The following DNAAF4 variants were observed in gnomAD, a reference collection of about 807,000 sequenced individuals.
The protein encoded by DNAAF4 is dynein assembly factor 4, axonemal.
DNAAF4 carries 43 observed loss-of-function variants against 51.8 expected under a neutral mutation model. The observed-to-expected ratio is 0.83, with a 90% CI of 0.65 to 1.07. The LOEUF is 1.07. Among genes scored for constraint, DNAAF4 ranks in the 50% least tolerant of loss-of-function variants. The pLI, the probability that DNAAF4 is intolerant of heterozygous loss-of-function variation, is 0.00. For synonymous variants in DNAAF4, 194 were observed against 165.6 expected (o/e 1.17, Z -1.32); for missense variants, 581 against 493.0 (o/e 1.18, Z -1.69).
chr15:55,431,620 G>A (rs549943858), intron 9 of DNAAF4, among the ~76,000 whole-genome samples: 114 of 151,078 alleles, frequency 7.5e-4, no homozygotes, highest in Non-Finnish European at 5.5e-4. Flanking sequence ...GACTACAGGC[G>A]CCCGCCACCA....
rs1482550589 is a variant in DNAAF4 at position 55,508,107 on chromosome 15, A to T, written c.-256+15T>A. 2 of 152,138 alleles carry T rather than the reference A, an allele frequency of 1.3e-5. No homozygotes were observed. The highest frequency in any genetic ancestry group is 2.9e-5 in the Non-Finnish European group (2 of 68,044). The allele number at this position is 152,138 out of a possible 1,614,324, so 9.4% of individuals were successfully genotyped here. A position where few individuals can be genotyped will look rare whatever the true frequency, so the allele number is the denominator to read the frequency against. ...GATTAAGGGATGAGTTTTACTGGGGAAAGGGGAAACTTACAAAACCAAGAG... is the reference window on the plus strand; with the variant it reads ...GATTAAGGGATGAGTTTTACTGGGGTAAGGGGAAACTTACAAAACCAAGAG... On this transcript the variant is annotated intron_variant, in intron 1 of 9. Transcript: ENST00000321149.
rs190078784 is a variant in DNAAF4 at position 55,466,918 on chromosome 15, T to A, written c.637+12A>T. ...CAGGACTCACTACTCAAGAAATTCT[T>A]AATCATTTTACCTTTTGGAGCAAGA... On this transcript the variant is annotated intron_variant, in intron 5 of 9. Transcript: ENST00000321149. 1 of 1,581,350 alleles carries A rather than the reference T, an allele frequency of 6.3e-7. No homozygotes were observed. The highest frequency in any genetic ancestry group is 2.3e-5 in the East Asian group (1 of 44,364).
intron 4 of DNAAF4, among the ~76,000 whole-genome samples, chr15:55,469,966 TG>T (rs1254830787): frequency 6.6e-6 from 1 of 152,134 alleles, no homozygotes; most frequent in Non-Finnish European, 1.5e-5. Context: ...AGCTATAAGT[TG>T]GGGGTTTCTA....
chr15:55,430,209 G>C (rs1206029675), downstream of DNAAF4: 1 of 212,610 alleles, frequency 4.7e-6, no homozygotes, highest in Non-Finnish European at 8.1e-6. Flanking sequence ...AAAAAAATAA[G>C]GTTCTGTGCA....
intron 4 of DNAAF4, among the ~76,000 whole-genome samples, chr15:55,486,519 T>G (rs1019094699): frequency 1.3e-5 from 2 of 152,120 alleles, no homozygotes; most frequent in African/African-American, 2.4e-5. Flanking sequence ...CCAAGCAAAG[T>G]AAAAATTCCT....
chr15:55,506,022 A>T (rs745924654), intron 1 of DNAAF4, among the ~76,000 whole-genome samples: 1 of 152,216 alleles, frequency 6.6e-6, no homozygotes, highest in Non-Finnish European at 1.5e-5. Context: ...AATGCTATGA[A>T]GTGGCCTTGT....
chr15:55,446,298 G>GCGGGGAGGC (rs535553086), intron 6 of DNAAF4, among the ~76,000 whole-genome samples: 1 of 94,330 alleles, frequency 1.1e-5, no homozygotes, highest in African/African-American at 5.2e-5. Context: ...ATCCCAGACG[G>GCGGGGAGGC]GGGGGGGGGG....
chr15:55,473,187 T>TAAAAAA (rs879351208), intron 4 of DNAAF4, among the ~76,000 whole-genome samples: 2,277 of 27,484 alleles, frequency 0.083, 195 homozygotes, highest in East Asian at 0.14. Context: ...AAAAAAAACC[T>TAAAAAA]AAAAAAAAAA....
At chr15:55,420,411 C>T (rs976651393) in intron 7 of DNAAF4, among the ~76,000 whole-genome samples, 1 of 141,716 alleles carries the variant, frequency 7.1e-6, no homozygotes, top group Non-Finnish European at 1.5e-5. Context: ...GAGTATCTTT[C>T]TGGAAAAAAA....
chr15:55,489,591 C>G (rs2058541235), intron 4 of DNAAF4, among the ~76,000 whole-genome samples: 1 of 149,492 alleles, frequency 6.7e-6, no homozygotes, highest in Non-Finnish European at 1.5e-5. Context: ...ATGAGAATCT[C>G]TTGAACCCGA....
intron 3 of DNAAF4, among the ~76,000 whole-genome samples, chr15:55,492,833 C>T (rs1227576246): frequency 6.6e-6 from 1 of 152,058 alleles, no homozygotes; most frequent in Non-Finnish European, 1.5e-5. Context: ...CCACTGCGGC[C>T]GGCCAAATTG....
chr15:55,499,428 A>G (rs1292722934), intron 1 of DNAAF4, among the ~76,000 whole-genome samples: 1 of 152,218 alleles, frequency 6.6e-6, no homozygotes, highest in Non-Finnish European at 1.5e-5. Context: ...CTTTTGCTGT[A>G]AAACCCAAAC....
At chr15:55,441,230 C>T (rs1254880315) in intron 6 of DNAAF4, among the ~76,000 whole-genome samples, 1 of 151,436 alleles carries the variant, frequency 6.6e-6, no homozygotes, top group Admixed American at 6.6e-5. Flanking sequence ...TGCCACCATG[C>T]CCGGCCAGTT....
chr15:55,474,861 C>A lies in DNAAF4; in HGVS notation c.406-7700G>T, dbSNP rs1218928566. Among the ~76,000 whole-genome samples the A allele has an allele frequency of 3.9e-5, 6 of 152,160 alleles. No homozygotes were observed. The South Asian group carries it at 1.2e-3, about 32-fold the overall frequency. ...CAGGTGCAGTGGCGCACGCCGTAAT[C>A]CCAGCTACTCTGGAGGCTGAGGAAG... On this transcript the variant is annotated intron_variant, in intron 4 of 9. Coordinates refer to ENST00000321149, the MANE Select transcript of DNAAF4 (RefSeq NM_130810.4).
chr15:55,428,436 A>G (rs2057451851), downstream of DNAAF4, among the ~76,000 whole-genome samples: 1 of 151,450 alleles, frequency 6.6e-6, no homozygotes, highest in South Asian at 2.1e-4. Context: ...GGAGGTTAAA[A>G]GCAAGATAAA....
At chr15:55,465,314 C>T (rs1367304424) in intron 5 of DNAAF4, among the ~76,000 whole-genome samples, 2 of 151,814 alleles carry the variant, frequency 1.3e-5, no homozygotes, top group Non-Finnish European at 1.5e-5. Context: ...TATAGCAGCA[C>T]AATTGCAATT....
At chr15:55,448,172 G>A (rs2057868612) in intron 6 of DNAAF4, among the ~76,000 whole-genome samples, 1 of 152,080 alleles carries the variant, frequency 6.6e-6, no homozygotes, top group South Asian at 2.1e-4. Flanking sequence ...AGATAATCAT[G>A]CGGTTTTTAT....
intron 5 of DNAAF4, among the ~76,000 whole-genome samples, 196 bp downstream of exon 5, chr15:55,466,734 C>G (rs2058176230): frequency 6.6e-6 from 1 of 152,130 alleles, no homozygotes; most frequent in Non-Finnish European, 1.5e-5. Context: ...TTGAACGAAT[C>G]CTTGCTCATT....
At chr15:55,454,763 C>G (rs2057991657) in intron 5 of DNAAF4, among the ~76,000 whole-genome samples, 1 of 152,042 alleles carries the variant, frequency 6.6e-6, no homozygotes, top group Admixed American at 6.6e-5. Context: ...TGACAGTATG[C>G]TCCAAGTTAT....
Sources: allele counts gnomAD v4.1 joint callset (sites outside exome capture counted in the v4.1 genomes callset), GRCh38; gene constraint gnomAD v4.1.1; transcripts MANE v1.5; gene names NCBI Gene and HGNC (gene_info 2026-07-23, HGNC 2026-07-21).